Variants in FBXO32 observed in about 807,000 individuals in gnomAD.
The protein encoded by FBXO32 is F-box only protein 32.
Under a neutral mutation model 48.3 loss-of-function variants are expected in FBXO32, and 15 were observed. The ratio of observed to expected loss-of-function variants is 0.31; its 90% CI spans 0.21 to 0.48. The LOEUF (loss-of-function observed/expected upper bound fraction) is 0.48, where lower values mean the gene tolerates loss of function less well. Ranked by LOEUF, FBXO32 falls within the 20% of genes least tolerant of loss-of-function variation. The pLI, the probability that FBXO32 is intolerant of heterozygous loss-of-function variation, is 0.99. For synonymous variants in FBXO32, 154 were observed against 165.9 expected, an observed-to-expected ratio of 0.93 and a Z score of 0.55; for missense variants, 309 against 432.7, an observed-to-expected ratio of 0.71 and a Z score of 2.54.
chr8:123,538,012 G>T (rs186932580), intron 1 of FBXO32, among the ~76,000 whole-genome samples: 1 of 152,068 alleles, frequency 6.6e-6, no homozygotes, highest in African/African-American at 2.4e-5. Context: ...CCCAATTCAC[G>T]CCAAGCTCTT....
At chr8:123,510,504 C>T (rs963890456) in intron 6 of FBXO32, among the ~76,000 whole-genome samples, 7 of 151,954 alleles carry the variant, frequency 4.6e-5, no homozygotes, top group Admixed American at 2.0e-4. Flanking sequence ...TCCTAGCTAC[C>T]GGGGAGTCTA....
chr8:123,504,876 G>T, intron 7 of FBXO32, 129 bp from the exon 8 acceptor site: 1 of 795,238 alleles, frequency 1.3e-6, no homozygotes, highest in Non-Finnish European at 2.0e-6. Flanking sequence ...AGCCAGGAAG[G>T]AAAACTGTCA....
At chr8:123,507,972 T>C (rs1816662564) in intron 6 of FBXO32, among the ~76,000 whole-genome samples, 1 of 152,216 alleles carries the variant, frequency 6.6e-6, no homozygotes, top group Non-Finnish European at 1.5e-5. Flanking sequence ...ATGTATTTGC[T>C]GATGTGTCTT....
rs1816483676 is a variant in FBXO32 at position 123,501,389 on chromosome 8, C to CAAAAA, written c.*1983_*1984insTTTTT. 10 of 88,504 alleles carry CAAAAA rather than the reference C, an allele frequency of 1.1e-4. No individual in the cohort carries two copies. The highest frequency in any genetic ancestry group is 3.0e-4 in the African/African-American group (9 of 29,662). 5.5% of individuals were successfully genotyped at this position (88,504 alleles called of 1,614,324 possible). A position where few individuals can be genotyped will look rare whatever the true frequency, so the allele number is the denominator to read the frequency against. On this transcript the variant is annotated 3_prime_UTR_variant, in exon 9 of 9. Transcript: ENST00000517956. ...AAAAAAAAAACAAAAAAAAACAAAA[C>CAAAAA]AAAACACACACCTTAGATAGAATAA...
Position 123,513,533 on chromosome 8 carries a change from G to A in FBXO32, c.467-151C>T, listed in dbSNP as rs755830908. On this transcript the variant is annotated intron_variant, in intron 5 of 8. Coordinates refer to ENST00000517956, the MANE Select transcript of FBXO32 (RefSeq NM_058229.4). The surrounding 1 kb of genome is among the most constrained non-coding windows in gnomAD (Gnocchi z 4.3). ...TCTTCCTCACCAGTGTTTATTGTAC[G>A]CTTGGCCAAGCTTCTGCACTTGAGG... The A allele has an allele frequency of 9.1e-6, 6 of 660,622 alleles. No homozygotes were observed. The highest frequency in any genetic ancestry group is 2.9e-5 in the Admixed American group (1 of 34,400). The allele number at this position is 660,622 out of a possible 1,614,324, so 40.9% of individuals were successfully genotyped here.
At position 123,506,498 on chromosome 8, in the gene FBXO32, C is replaced by T. The variant is rs1816623280; in HGVS notation, c.728G>A (p.Gly243Glu). Reference sequence around the variant, plus strand: ...CTGGCCCAGGCTGACCAGGTCCCGCCCGTCGCTCAGCCTCTGCATGATGTT... The same window carrying T: ...CTGGCCCAGGCTGACCAGGTCCCGCTCGTCGCTCAGCCTCTGCATGATGTT... ...QLNIMQRLSD[G>E]RDLVSLGQAA... Residue 243 changes from glycine to glutamate, a missense_variant, in exon 7 of 9, where the codon GGG becomes GAG. Transcript: ENST00000517956. This position sits in a 1 kb window ranked among gnomAD's most constrained non-coding sequence, Gnocchi z 4.0. The T allele has an allele frequency of 1.2e-6, 2 of 1,614,030 alleles. No homozygotes were observed. The highest frequency in any genetic ancestry group is 1.7e-6 in the Non-Finnish European group (2 of 1,179,984).
chr8:123,515,199 A>G (rs1008370221), intron 4 of FBXO32, among the ~76,000 whole-genome samples: 1 of 152,174 alleles, frequency 6.6e-6, no homozygotes, highest in Non-Finnish European at 1.5e-5. Flanking sequence ...AGCCCTCAGC[A>G]AGTACCTGGC....
In FBXO32 at chr8:123,513,325, G is replaced by A; in HGVS notation, c.524C>T (p.Thr175Ile). ...TCTTTGGACCAGTGTACATAAGGATGTGTAGAGGGTCTGGAGTAGTTCCCT... is the reference window on the plus strand; with the variant it reads ...TCTTTGGACCAGTGTACATAAGGATATGTAGAGGGTCTGGAGTAGTTCCCT... ...LIRELLQTLY[T>I]SLCTLVQRVG... The change falls in exon 6 of 9, where the codon ACA becomes ATA. Residue 175 changes from threonine (T) to isoleucine (I), a missense_variant. By Grantham distance (89) the Thr-to-Ile change is moderately conservative. Coordinates refer to ENST00000517956, the MANE Select transcript of FBXO32 (RefSeq NM_058229.4). The surrounding 1 kb of genome is among the most constrained non-coding windows in gnomAD (Gnocchi z 4.3). 6.2e-7 allele frequency: 1 copy of A among 1,614,224 alleles called. No individual in the cohort carries two copies. The highest frequency in any genetic ancestry group is 8.5e-7 in the Non-Finnish European group (1 of 1,180,020).
intron 8 of FBXO32, among the ~76,000 whole-genome samples, chr8:123,504,351 CAGAG>C (rs997985899): frequency 2.6e-5 from 4 of 152,030 alleles, no homozygotes; most frequent in Admixed American, 2.0e-4. Context: ...CCCGTACACA[CAGAG>C]AGAGGAGGAT....
chr8:123,515,719 T>G (rs1298733073), intron 4 of FBXO32, among the ~76,000 whole-genome samples: 2 of 151,934 alleles, frequency 1.3e-5, no homozygotes, highest in Non-Finnish European at 2.9e-5. Context: ...AAAGGCCAGG[T>G]GCGGTGGCTC....
chr8:123,518,332 A>T (rs1816881061), intron 4 of FBXO32, among the ~76,000 whole-genome samples: 2 of 152,248 alleles, frequency 1.3e-5, no homozygotes, highest in African/African-American at 4.8e-5. Context: ...ACCATAATAC[A>T]GAGCATTACC....
rs533048765 is a variant in FBXO32, at chr8:123,523,626, C to A, written c.372+8272G>T. Among the ~76,000 whole-genome samples, 114 of 141,984 alleles carry A rather than the reference C, an allele frequency of 8.0e-4. 1 individual carries two copies. The highest frequency in any genetic ancestry group is 3.0e-3 in the African/African-American group (112 of 37,140). 93.1% of individuals were successfully genotyped at this position (141,984 alleles called of 152,430 possible). A position where few individuals can be genotyped will look rare whatever the true frequency, so the allele number is the denominator to read the frequency against. On this transcript the variant is annotated intron_variant, in intron 4 of 8. Coordinates refer to ENST00000517956, the MANE Select transcript of FBXO32 (RefSeq NM_058229.4). Reference sequence around the variant, plus strand: ...ACAACAACAACAACAACAACAACAACAAACAAACAAAAAAAAGAAAGAAAA... The same window carrying A: ...ACAACAACAACAACAACAACAACAAAAAACAAACAAAAAAAAGAAAGAAAA...
intron 1 of FBXO32, among the ~76,000 whole-genome samples, chr8:123,538,651 T>A (rs976755326): frequency 6.6e-6 from 1 of 151,996 alleles, no homozygotes; most frequent in Non-Finnish European, 1.5e-5. Context: ...GAAAAAAAAA[T>A]ACCCTGCAAA....
Position 123,504,605 on chromosome 8 carries a change from T to A in FBXO32, c.977A>T (p.Lys326Met). ...LCKHCHILSW[K>M]GTDHPCTANN... Reference sequence around the variant, plus strand: ...GGCAGCCACCTCTGAGACACATACCTTCCAGGAAAGGATGTGACAGTGTTT... The same window carrying A: ...GGCAGCCACCTCTGAGACACATACCATCCAGGAAAGGATGTGACAGTGTTT... Residue 326 changes from lysine (K) to methionine (M), a missense_variant and splice_region_variant, in exon 8 of 9, where the codon AAG (lysine) becomes ATG (methionine). By Grantham distance (95) the Lys-to-Met change is moderately conservative (BLOSUM62 -1). Transcript: ENST00000517956. The A allele has an allele frequency of 6.2e-7, 1 of 1,612,514 alleles. No individual in the cohort carries two copies. Among genetic ancestry groups the A allele is most frequent in the Non-Finnish European group, 8.5e-7 (1 of 1,179,308 alleles).
chr8:123,536,803 T>C (rs1382699306), intron 1 of FBXO32, among the ~76,000 whole-genome samples: 1 of 152,234 alleles, frequency 6.6e-6, no homozygotes, highest in East Asian at 1.9e-4. Flanking sequence ...CAAGTTCAAA[T>C]ATTTAGATTT....
intron 4 of FBXO32, among the ~76,000 whole-genome samples, chr8:123,515,272 G>A (rs536845868): frequency 6.6e-6 from 1 of 152,294 alleles, no homozygotes; most frequent in African/African-American, 2.4e-5. Flanking sequence ...ATCTTGCTCT[G>A]TTGCCCAGGC....
intron 4 of FBXO32, among the ~76,000 whole-genome samples, chr8:123,519,387 TA>T (rs1423409550): frequency 6.7e-6 from 1 of 148,344 alleles, no homozygotes; most frequent in Non-Finnish European, 1.5e-5. Flanking sequence ...CCATCTCTAC[TA>T]AAAATACAAA....
intron 4 of FBXO32, among the ~76,000 whole-genome samples, chr8:123,520,058 G>C (rs912852675): frequency 6.6e-6 from 1 of 152,184 alleles, no homozygotes; most frequent in Non-Finnish European, 1.5e-5. Flanking sequence ...AAAGTGTTGG[G>C]ATTACAGGCG....
At chr8:123,533,079 T>C in intron 3 of FBXO32, 112 bp downstream of exon 3, 1 of 757,182 alleles carries the variant, frequency 1.3e-6, no homozygotes, top group Non-Finnish European at 2.3e-6. Flanking sequence ...ATCTCCCACA[T>C]CCAAGAAGAC....
Sources: gnomAD v4.1 joint callset for allele counts (sites outside exome capture counted in the v4.1 genomes callset) on GRCh38, gnomAD v4.1.1 for gene constraint, Gnocchi (gnomAD v3.1) non-coding constraint, MANE v1.5 for transcripts, NCBI Gene and HGNC (gene_info 2026-07-23, HGNC 2026-07-21) for gene names.